PRKN: variants seen among roughly 807,000 people sequenced by gnomAD.
PRKN encodes parkin RBR E3 ubiquitin protein ligase, also known as E3 ubiquitin-protein ligase parkin.
Under a neutral mutation model 59.5 loss-of-function variants are expected in PRKN, and 56 were observed. That is an observed-to-expected ratio of 0.94 (90% CI 0.76 to 1.18). PRKN has a LOEUF of 1.18. Among genes scored for constraint, PRKN ranks in the 50% most tolerant of loss-of-function variants. The pLI, the probability that PRKN is intolerant of heterozygous loss-of-function variation, is 0.00. For missense variants in PRKN, 657 were observed against 596.4 expected (o/e 1.10, Z -1.06); for synonymous variants, 250 against 222.1 (o/e 1.13, Z -1.12).
intron 7 of PRKN, among the ~76,000 whole-genome samples, chr6:161,732,664 G>A (rs1375185471): frequency 6.6e-6 from 1 of 152,186 alleles, no homozygotes; most frequent in Admixed American, 6.5e-5. Context: ...TTCTGTTGCT[G>A]TGTTAGTTTG....
chr6:161,490,905 T>C (rs555995202), intron 9 of PRKN, among the ~76,000 whole-genome samples: 2 of 152,232 alleles, frequency 1.3e-5, no homozygotes, highest in African/African-American at 4.8e-5. Context: ...TCCCTCTCTC[T>C]CTTCCCCCTG....
At chr6:161,790,562 A>G (rs1282084908) in intron 6 of PRKN, among the ~76,000 whole-genome samples, 1 of 152,176 alleles carries the variant, frequency 6.6e-6, no homozygotes, top group Non-Finnish European at 1.5e-5. Flanking sequence ...GAATAAAATG[A>G]GTGCCCTTTT....
chr6:162,527,869 G>A (rs544293641), intron 1 of PRKN, among the ~76,000 whole-genome samples: 13 of 152,158 alleles, frequency 8.5e-5, no homozygotes, highest in Non-Finnish European at 1.3e-4. Flanking sequence ...TAAGCCACCT[G>A]CCCAAGGCCA....
intron 6 of PRKN, among the ~76,000 whole-genome samples, chr6:161,801,340 C>G (rs575114596): frequency 4.6e-5 from 7 of 152,234 alleles, no homozygotes; most frequent in Admixed American, 2.0e-4. Context: ...GATGTCCCAG[C>G]GAAGATGTGC....
chr6:162,679,400 A>G (rs1307080273), intron 1 of PRKN, among the ~76,000 whole-genome samples: 1 of 152,118 alleles, frequency 6.6e-6, no homozygotes, highest in African/African-American at 2.4e-5. Context: ...CAATGCACAC[A>G]GCAAGGTGTT....
intron 7 of PRKN, among the ~76,000 whole-genome samples, chr6:161,690,396 G>A (rs1444833649): frequency 6.6e-6 from 1 of 152,138 alleles, no homozygotes; most frequent in Non-Finnish European, 1.5e-5. Flanking sequence ...GCTCCATTAT[G>A]GACACATCCC....
intron 7 of PRKN, among the ~76,000 whole-genome samples, chr6:161,705,251 A>T (rs1786436268): frequency 6.6e-6 from 1 of 152,192 alleles, no homozygotes; most frequent in Non-Finnish European, 1.5e-5. Context: ...CACCTAACCC[A>T]CCGAACATCA....
Position 162,216,119 on chromosome 6 carries a change from G to A in PRKN, c.413-14867C>T, listed in dbSNP as rs547493289. On this transcript the variant is annotated intron_variant, in intron 3 of 11. Transcript: ENST00000366898. ...GGACAAATGGACAGGATGGGGAATA[G>A]CTGCAGCCACTATCTGCAGGAAACA... Among the ~76,000 whole-genome samples the A allele has an allele frequency of 5.2e-4, 79 of 152,292 alleles. 1 individual carries two copies. The highest frequency in any genetic ancestry group is 1.5e-3 in the African/African-American group (63 of 41,572).
chr6:162,718,184 T>A (rs1233704259), intron 1 of PRKN, among the ~76,000 whole-genome samples: 1 of 99,208 alleles, frequency 1.0e-5, no homozygotes, highest in Non-Finnish European at 2.0e-5. Context: ...CATCCTATCA[T>A]CACTGTTTTA....
chr6:161,706,279 C>T (rs1203490383), intron 7 of PRKN, among the ~76,000 whole-genome samples: 1 of 152,234 alleles, frequency 6.6e-6, no homozygotes, highest in Admixed American at 6.5e-5. Context: ...ACCAGCATAG[C>T]TTTGCCCATG....
At chr6:162,138,059 C>T (rs948337852) in intron 4 of PRKN, among the ~76,000 whole-genome samples, 10 of 151,602 alleles carry the variant, frequency 6.6e-5, no homozygotes, top group African/African-American at 1.7e-4. Flanking sequence ...AACCACAAAT[C>T]GAAGTTTAGG....
At chr6:162,362,348 A>G (rs1182021270) in intron 2 of PRKN, among the ~76,000 whole-genome samples, 2 of 152,188 alleles carry the variant, frequency 1.3e-5, no homozygotes, top group Non-Finnish European at 2.9e-5. Flanking sequence ...TATTTGGAAC[A>G]TATAAACCAC....
Position 161,538,551 on chromosome 6 carries a change from T to C in PRKN, c.1083+10303A>G, listed in dbSNP as rs1229485152. Among the ~76,000 whole-genome samples, 1 of 152,058 alleles carries C rather than the reference T, an allele frequency of 6.6e-6. No individual in the cohort carries two copies. The highest frequency in any genetic ancestry group is 1.5e-5 in the Non-Finnish European group (1 of 68,016). On this transcript the variant is annotated intron_variant, in intron 9 of 11. Coordinates refer to ENST00000366898, the MANE Select transcript of PRKN (RefSeq NM_004562.3). The surrounding 1 kb of genome is among the most constrained non-coding windows in gnomAD (Gnocchi z 4.2). ...AGATCAGATTTGCCTAGGGGACACT[T>C]CAAGTTTCCACTTCTTGGTGCAAAA...
chr6:162,503,692 A>G (rs1218657619), intron 1 of PRKN, among the ~76,000 whole-genome samples: 1 of 152,196 alleles, frequency 6.6e-6, no homozygotes, highest in African/African-American at 2.4e-5. Context: ...TATATTTACC[A>G]TTATCTAAAC....
At chr6:161,586,514 G>GCTTA (rs1781526919) in intron 7 of PRKN, among the ~76,000 whole-genome samples, 2 of 152,160 alleles carry the variant, frequency 1.3e-5, no homozygotes, top group Non-Finnish European at 2.9e-5. Flanking sequence ...TTCTAAATGA[G>GCTTA]ATTTTGTGAA....
intron 2 of PRKN, among the ~76,000 whole-genome samples, chr6:162,301,653 C>T (rs1339053207): frequency 1.3e-5 from 2 of 151,930 alleles, no homozygotes; most frequent in Non-Finnish European, 2.9e-5. Context: ...TTCTTAAAAG[C>T]ATGCCAGACC....
intron 7 of PRKN, among the ~76,000 whole-genome samples, chr6:161,641,607 T>C (rs1159761848): frequency 2.8e-4 from 43 of 152,218 alleles, no homozygotes. Flanking sequence ...TCTGTGTGAA[T>C]GAAACTCTTT....
rs1209211010 is a variant in PRKN at position 161,530,258 on chromosome 6, C to T, written c.1083+18596G>A. Among the ~76,000 whole-genome samples the T allele has an allele frequency of 6.6e-6, 1 of 152,194 alleles. No homozygotes were observed. Among genetic ancestry groups the T allele is most frequent in the Non-Finnish European group, 1.5e-5 (1 of 68,036 alleles). On this transcript the variant is annotated intron_variant, in intron 9 of 11. Coordinates refer to ENST00000366898, the MANE Select transcript of PRKN (RefSeq NM_004562.3). The surrounding 1 kb of genome is among the most constrained non-coding windows in gnomAD (Gnocchi z 5.0). Reference sequence around the variant, plus strand: ...CCAAAGGAAGGGTTGTAAATTTAGACATTTTTTGAAGATTCACGTGTTTGG... The same window carrying T: ...CCAAAGGAAGGGTTGTAAATTTAGATATTTTTTGAAGATTCACGTGTTTGG...
At chr6:162,278,009 T>C (rs1270235411) in intron 2 of PRKN, among the ~76,000 whole-genome samples, 16 of 152,118 alleles carry the variant, frequency 1.1e-4, no homozygotes. Context: ...TTGCCAAAAT[T>C]CAATGCAACC....
Sources: gnomAD v4.1 joint callset for allele counts (sites outside exome capture counted in the v4.1 genomes callset) on GRCh38, gnomAD v4.1.1 for gene constraint, Gnocchi (gnomAD v3.1) non-coding constraint, MANE v1.5 for transcripts, NCBI Gene and HGNC (gene_info 2026-07-23, HGNC 2026-07-21) for gene names.